The following NAA11 variants were observed in gnomAD, a reference collection of about 807,000 sequenced individuals.
The protein encoded by NAA11 is N-alpha-acetyltransferase 11.
NAA11 carries 15 observed loss-of-function variants against 16.1 expected under a neutral mutation model. That is an observed-to-expected ratio of 0.93 (90% confidence interval 0.62 to 1.44). The LOEUF (loss-of-function observed/expected upper bound fraction) is 1.44, where lower values mean the gene tolerates loss of function less well. Among genes scored for constraint, NAA11 ranks in the 40% most tolerant of loss-of-function variants. The pLI is 0.00. For synonymous variants in NAA11, 122 were observed against 112.4 expected, an observed-to-expected ratio of 1.09 and a Z score of -0.54; for missense variants, 298 against 291.3, an observed-to-expected ratio of 1.02 and a Z score of -0.17.
At chr4:79,301,782 CTTGAA>C (rs1723393192) in intron 1 of NAA11, among the ~76,000 whole-genome samples, 2 of 152,156 alleles carry the variant, frequency 1.3e-5, no homozygotes, top group Non-Finnish European at 2.9e-5. Context: ...ACAAAAAATA[CTTGAA>C]TTTAATTTAA....
chr4:79,282,277 G>C (rs1722810716), intron 2 of NAA11, among the ~76,000 whole-genome samples: 1 of 152,092 alleles, frequency 6.6e-6, no homozygotes, highest in South Asian at 2.1e-4. Context: ...CTGGATGACA[G>C]GCTTAGGGGT....
chr4:79,256,633 C>CAT (rs1486193149), intron 2 of NAA11, among the ~76,000 whole-genome samples: 8 of 109,580 alleles, frequency 7.3e-5, no homozygotes, highest in East Asian at 2.8e-4. Flanking sequence ...TAAAATGAAC[C>CAT]ATATATATAT....
At chr4:79,254,217 G>A (rs764494974) in intron 2 of NAA11, among the ~76,000 whole-genome samples, 11 of 152,180 alleles carry the variant, frequency 7.2e-5, no homozygotes, top group African/African-American at 1.7e-4. Context: ...TTTATCTATC[G>A]CATGTCCATC....
intron 2 of NAA11, among the ~76,000 whole-genome samples, chr4:79,256,819 A>C (rs1388173268): frequency 1.3e-5 from 2 of 151,172 alleles, no homozygotes; most frequent in Non-Finnish European, 2.9e-5. Flanking sequence ...CACTCGGCTA[A>C]TTTTTATATT....
intron 2 of NAA11, among the ~76,000 whole-genome samples, chr4:79,240,417 T>C (rs192483010): frequency 1.3e-5 from 2 of 152,256 alleles, no homozygotes; most frequent in Admixed American, 1.3e-4. Flanking sequence ...TTAGAGATCA[T>C]TATATGAGGA....
intron 2 of NAA11, among the ~76,000 whole-genome samples, chr4:79,251,564 A>G (rs370341500): frequency 6.6e-6 from 1 of 152,168 alleles, no homozygotes; most frequent in Non-Finnish European, 1.5e-5. Context: ...TCTGTATAAC[A>G]AACTCCCATA....
the NAA11 span, among the ~76,000 whole-genome samples, chr4:79,160,716 G>T: frequency 6.6e-6 from 1 of 152,128 alleles, no homozygotes; most frequent in African/African-American, 2.4e-5. Flanking sequence ...AAACGGTTGA[G>T]TTGTGAGAGT....
At chr4:79,291,295 C>T (rs1037059908) in intron 2 of NAA11, among the ~76,000 whole-genome samples, 3 of 113,538 alleles carry the variant, frequency 2.6e-5, no homozygotes, top group African/African-American at 9.1e-5. Context: ...GATCCTGTCT[C>T]TACAAAAAAA....
chr4:79,237,881 T>C (rs980908879), intron 2 of NAA11, among the ~76,000 whole-genome samples: 1 of 152,238 alleles, frequency 6.6e-6, no homozygotes, highest in Non-Finnish European at 1.5e-5. Context: ...TCCGTAGATC[T>C]GCAAATCAAT....
At chr4:79,186,918 A>C in the NAA11 span, among the ~76,000 whole-genome samples, 4 of 152,324 alleles carry the variant, frequency 2.6e-5, no homozygotes, top group South Asian at 8.3e-4. Flanking sequence ...TATATACTTG[A>C]GTAACTCACA....
At position 79,285,986 on chromosome 4, in the gene NAA11, A is replaced by G. The variant is rs528127838; in HGVS notation, c.*122+8019T>C. On this transcript the variant is annotated intron_variant and NMD_transcript_variant, in intron 2 of 2. Transcript: ENST00000511542. The stretch of plus-strand genomic sequence containing the variant: ...ATTACACCTTGAACAAAAGGAAAGG[A>G]TAAGCACTTTATTTTTATAAGCCAG... Among the ~76,000 whole-genome samples the G allele has an allele frequency of 5.3e-5, 8 of 152,172 alleles. No individual in the cohort carries two copies. The South Asian group carries it at 1.4e-3, about 28-fold the overall frequency.
Position 79,284,828 on chromosome 4 carries a change from C to T in NAA11, c.*122+9177G>A, listed in dbSNP as rs559277943. 8.7e-4 allele frequency among the ~76,000 whole-genome samples: 23 copies of T among 26,416 alleles called. 6 individuals are homozygous for T. The South Asian group carries it at 0.017, about 20-fold the overall frequency. The allele number at this position is 26,416 out of a possible 152,430, so 17.3% of individuals were successfully genotyped here. A position where few individuals can be genotyped will look rare whatever the true frequency, so the allele number is the denominator to read the frequency against. On this transcript the variant is annotated intron_variant and NMD_transcript_variant, in intron 2 of 2. Transcript: ENST00000511542. ...CGGAGCTTGCAGTGAGCCGAGATTG[C>T]GCCACTGCAGTCCGCAGTCCCACCT...
the NAA11 span, among the ~76,000 whole-genome samples, chr4:79,157,954 A>G: frequency 7.0e-6 from 1 of 142,400 alleles, no homozygotes; most frequent in Non-Finnish European, 1.5e-5. Context: ...AGGCTGGAGT[A>G]CAGTGGCGTG....
intron 2 of NAA11, among the ~76,000 whole-genome samples, chr4:79,262,267 T>TA (rs1192449030): frequency 1.3e-5 from 2 of 152,182 alleles, no homozygotes; most frequent in Non-Finnish European, 2.9e-5. Context: ...AAGTTGTAGA[T>TA]ATTGGAAATA....
intron 1 of NAA11, among the ~76,000 whole-genome samples, chr4:79,302,592 C>G (rs1466716339): frequency 6.6e-6 from 1 of 150,518 alleles, no homozygotes; most frequent in East Asian, 1.9e-4. Flanking sequence ...TATCTTTATT[C>G]TATATATGTA....
At chr4:79,200,845 C>G in the NAA11 span, among the ~76,000 whole-genome samples, 1 of 151,486 alleles carries the variant, frequency 6.6e-6, no homozygotes, top group Non-Finnish European at 1.5e-5. Flanking sequence ...TTTTTCCTAG[C>G]TCATGACAAA....
At chr4:79,222,830 T>C (rs1265477896), downstream of NAA11, among the ~76,000 whole-genome samples, 6 of 151,216 alleles carry the variant, frequency 4.0e-5, no homozygotes, top group Non-Finnish European at 7.4e-5. Flanking sequence ...AAAAAGTGGG[T>C]GAAGGATATG....
chr4:79,210,398 T>G, the NAA11 span, among the ~76,000 whole-genome samples: 1 of 152,112 alleles, frequency 6.6e-6, no homozygotes, highest in Admixed American at 6.6e-5. Context: ...AGACAGGAAC[T>G]AGCTGTTTTT....
At chr4:79,202,684 G>A in the NAA11 span, among the ~76,000 whole-genome samples, 2 of 105,080 alleles carry the variant, frequency 1.9e-5, no homozygotes, top group Non-Finnish European at 4.0e-5. Context: ...GAACCACCAA[G>A]TAACTGAACC....
Sources: gnomAD v4.1 joint callset for allele counts (sites outside exome capture counted in the v4.1 genomes callset) on GRCh38, gnomAD v4.1.1 for gene constraint, MANE v1.5 for transcripts, NCBI Gene and HGNC (gene_info 2026-07-23, HGNC 2026-07-21) for gene names.